Variants in EIF1 observed in about 807,000 individuals in gnomAD.
EIF1 encodes eukaryotic translation initiation factor 1.
In EIF1, 4 loss-of-function variants were observed where a neutral mutation model predicts 13.7. The ratio of observed to expected loss-of-function variants is 0.29; its 90% CI spans 0.14 to 0.67. The LOEUF (loss-of-function observed/expected upper bound fraction) is 0.67. EIF1 is among the 30% of genes least tolerant of loss of function. The pLI, the probability that EIF1 is intolerant of heterozygous loss-of-function variation, is 0.77. For missense variants in EIF1, 64 were observed against 138.0 expected (o/e 0.46, Z 2.69); for synonymous variants, 67 against 50.7 (o/e 1.32, Z -1.37).
At chr17:41,690,420 A>G (rs775743604) in intron 3 of EIF1, 19 of 563,276 alleles carry the variant, frequency 3.4e-5, no homozygotes, top group Non-Finnish European at 5.3e-5. Flanking sequence ...TTTGAATAGC[A>G]TATAGATGCA....
intron 1 of EIF1, 51 bp from the exon 2 acceptor site, chr17:41,689,727 A>G: frequency 6.6e-7 from 1 of 1,525,370 alleles, no homozygotes; most frequent in South Asian, 1.3e-5. Context: ...AGGGGATGGC[A>G]GTGGCATCCT....
At chr17:41,690,685 C>T in intron 3 of EIF1, 97 bp from the exon 4 acceptor site, 1 of 1,372,100 alleles carries the variant, frequency 7.3e-7, no homozygotes, top group African/African-American at 1.4e-5. Flanking sequence ...GGCTCTTGGG[C>T]AGTGTAGTAG....
intron 1 of EIF1, 22 bp from the exon 2 acceptor site, chr17:41,689,756 C>G: frequency 6.4e-7 from 1 of 1,570,768 alleles, no homozygotes; most frequent in Non-Finnish European, 8.6e-7. Context: ...CAGCTCTGAA[C>G]GAGCTTAACC....
At position 41,688,932 on chromosome 17, in the gene EIF1, A is replaced by AG; in HGVS notation, c.-106dup. On this transcript the variant is annotated 5_prime_UTR_variant, in exon 1 of 4. Transcript: ENST00000469257. Reference sequence around the variant, plus strand: ...CGAGGATTCAGCAGCCTCCCCCTTGAGCCCCCTCGCTTCCCGACGTTCCGT... The same window carrying AG: ...CGAGGATTCAGCAGCCTCCCCCTTGAGGCCCCCTCGCTTCCCGACGTTCCGT... 1 of 1,158,762 alleles carries AG rather than the reference A, an allele frequency of 8.6e-7. No homozygotes were observed. The highest frequency in any genetic ancestry group is 1.3e-6 in the Non-Finnish European group (1 of 793,674). The allele number at this position is 1,158,762 out of a possible 1,614,324, so 71.8% of individuals were successfully genotyped here.
intron 2 of EIF1, 47 bp downstream of exon 2, chr17:41,689,988 C>A: frequency 1.2e-6 from 2 of 1,611,770 alleles, no homozygotes; most frequent in Non-Finnish European, 1.7e-6. Context: ...GATTTGTCCA[C>A]AAGGGGGTGC....
chr17:41,689,157 C>T (rs1910288202), intron 1 of EIF1, 88 bp downstream of exon 1: 4 of 1,463,116 alleles, frequency 2.7e-6, no homozygotes, highest in African/African-American at 1.4e-5. Context: ...CCAAGCGCTC[C>T]GGGCCTTCGT....
In EIF1 at chr17:41,692,598, C is replaced by T. The variant is rs961429528; in HGVS notation, c.*1772C>T. 1 of 152,132 alleles carries T rather than the reference C, an allele frequency of 6.6e-6. No individual in the cohort carries two copies. The highest frequency in any genetic ancestry group is 1.5e-5 in the Non-Finnish European group (1 of 68,036). The allele number at this position is 152,132 out of a possible 1,614,324, so 9.4% of individuals were successfully genotyped here. A position where few individuals can be genotyped will look rare whatever the true frequency, so the allele number is the denominator to read the frequency against. ...ACCTTTTAACATTGTGTTACAATGG[C>T]CTACAAGAAGCTTGTGTGGATGGCT... is the stretch of plus-strand genomic sequence containing the variant. On this transcript the variant is annotated 3_prime_UTR_variant, in exon 4 of 4. Transcript: ENST00000469257.
rs560409448 is a variant in EIF1 at position 41,688,926 on chromosome 17, C to A, written c.-113C>A. On this transcript the variant is annotated 5_prime_UTR_variant, in exon 1 of 4. Coordinates refer to ENST00000469257, the MANE Select transcript of EIF1 (RefSeq NM_005801.4). ...CGCCGCCGAGGATTCAGCAGCCTCC[C>A]CCTTGAGCCCCCTCGCTTCCCGACG... The A allele has an allele frequency of 4.6e-6, 5 of 1,088,042 alleles. No individual in the cohort carries two copies. Among genetic ancestry groups the A allele is most frequent in the African/African-American group, 3.1e-5 (2 of 65,140 alleles). The allele number at this position is 1,088,042 out of a possible 1,614,324, so 67.4% of individuals were successfully genotyped here. A position where few individuals can be genotyped will look rare whatever the true frequency, so the allele number is the denominator to read the frequency against.
chr17:41,689,354 T>G (rs1910297499), intron 1 of EIF1: 5 of 561,130 alleles, frequency 8.9e-6, no homozygotes, highest in Admixed American at 6.7e-5. Context: ...GCCCCTCCCG[T>G]CACCATTGCG....
chr17:41,689,086 G>C lies in EIF1; in HGVS notation c.31+17G>C. On this transcript the variant is annotated intron_variant, in intron 1 of 3. Transcript: ENST00000469257. ...ACTCTTTCGGTAAGCTATGGGAAAG[G>C]TCGCGGGCCCGGGTGGGGCAGCGGG... 1 of 1,613,518 alleles carries C rather than the reference G, an allele frequency of 6.2e-7. No individual in the cohort carries two copies. The highest frequency in any genetic ancestry group is 8.5e-7 in the Non-Finnish European group (1 of 1,179,840).
At position 41,688,910 on chromosome 17, in the gene EIF1, G is replaced by T; in HGVS notation, c.-129G>T. The T allele has an allele frequency of 1.1e-6, 1 of 907,394 alleles. No homozygotes were observed. Among genetic ancestry groups the T allele is most frequent in the Non-Finnish European group, 1.7e-6 (1 of 583,972 alleles). 56.2% of individuals were successfully genotyped at this position (907,394 alleles called of 1,614,324 possible). A position where few individuals can be genotyped will look rare whatever the true frequency, so the allele number is the denominator to read the frequency against. ...GCCCCAGTCACTGAGCCGCCGCCGA[G>T]GATTCAGCAGCCTCCCCCTTGAGCC... On this transcript the variant is annotated 5_prime_UTR_variant, in exon 1 of 4. The change creates a new upstream start codon in the 5' untranslated region. Coordinates refer to ENST00000469257, the MANE Select transcript of EIF1 (RefSeq NM_005801.4).
rs908028106 is a variant in EIF1 at position 41,688,922 on chromosome 17, C to T, written c.-117C>T. 22 of 1,042,444 alleles carry T rather than the reference C, an allele frequency of 2.1e-5. No individual in the cohort carries two copies. Among genetic ancestry groups the T allele is most frequent in the East Asian group, 7.5e-5 (3 of 39,956 alleles). The allele number at this position is 1,042,444 out of a possible 1,614,324, so 64.6% of individuals were successfully genotyped here. On this transcript the variant is annotated 5_prime_UTR_variant, in exon 1 of 4. Transcript: ENST00000469257. The stretch of plus-strand genomic sequence containing the variant: ...GAGCCGCCGCCGAGGATTCAGCAGC[C>T]TCCCCCTTGAGCCCCCTCGCTTCCC...
Position 41,688,963 on chromosome 17 carries a change from C to T in EIF1, c.-76C>T, listed in dbSNP as rs1222270450. On this transcript the variant is annotated 5_prime_UTR_variant, in exon 1 of 4. Coordinates refer to ENST00000469257, the MANE Select transcript of EIF1 (RefSeq NM_005801.4). ...CTCGCTTCCCGACGTTCCGTTCCCCCCTGCCCGCCTTCTCCCGCCACCGCC... is the reference window on the plus strand; with the variant it reads ...CTCGCTTCCCGACGTTCCGTTCCCCTCTGCCCGCCTTCTCCCGCCACCGCC... 1.3e-5 allele frequency: 19 copies of T among 1,515,164 alleles called. No homozygotes were observed. In the Admixed American group the frequency reaches 2.2e-4, roughly 18 times the overall value. 93.9% of individuals were successfully genotyped at this position (1,515,164 alleles called of 1,614,324 possible). A position where few individuals can be genotyped will look rare whatever the true frequency, so the allele number is the denominator to read the frequency against.
chr17:41,692,571 G>A lies in EIF1; in HGVS notation c.*1745G>A, dbSNP rs1910418549. ...AAGATTATAATACTGTATTTTTACT[G>A]TACCTTTTAACATTGTGTTACAATG... On this transcript the variant is annotated 3_prime_UTR_variant, in exon 4 of 4. Coordinates refer to ENST00000469257, the MANE Select transcript of EIF1 (RefSeq NM_005801.4). The A allele has an allele frequency of 6.6e-6, 1 of 152,146 alleles. No individual in the cohort carries two copies. The highest frequency in any genetic ancestry group is 1.9e-4 in the East Asian group (1 of 5,206). The allele number at this position is 152,146 out of a possible 1,614,324, so 9.4% of individuals were successfully genotyped here.
chr17:41,689,063 T>C lies in EIF1; in HGVS notation c.25T>C (p.Ser9Pro). Residue 9 changes from serine to proline, a missense_variant, in exon 1 of 4, where the codon TCT becomes CCT. By Grantham distance (74) the Ser-to-Pro change is moderately conservative. Around this residue, in one of 2 missense-constraint regions of EIF1, gnomAD observed 29 missense variants for 34.7 expected, o/e 0.84. Transcript: ENST00000469257. ...TATGTCCGCTATCCAGAACCTCCAC[T>C]CTTTCGGTAAGCTATGGGAAAGGTC... MSAIQNLH[S>P]FDPFADASKG... The C allele has an allele frequency of 6.2e-7, 1 of 1,613,596 alleles. No individual in the cohort carries two copies. Among genetic ancestry groups the C allele is most frequent in the Non-Finnish European group, 8.5e-7 (1 of 1,179,860 alleles).
chr17:41,690,978 T>A lies in EIF1; in HGVS notation c.*152T>A. On this transcript the variant is annotated 3_prime_UTR_variant, in exon 4 of 4. Coordinates refer to ENST00000469257, the MANE Select transcript of EIF1 (RefSeq NM_005801.4). ...AACTTGGACTAGTGTAACTCCTTCATGCAATAAACTGAAAAGAGCCATGCT... is the reference window on the plus strand; with the variant it reads ...AACTTGGACTAGTGTAACTCCTTCAAGCAATAAACTGAAAAGAGCCATGCT... 1 of 748,112 alleles carries A rather than the reference T, an allele frequency of 1.3e-6. No individual in the cohort carries two copies. The highest frequency in any genetic ancestry group is 2.6e-5 in the East Asian group (1 of 38,686). The allele number at this position is 748,112 out of a possible 1,614,324, so 46.3% of individuals were successfully genotyped here.
In EIF1 at chr17:41,688,958, T is replaced by TC. The variant is rs901890624; in HGVS notation, c.-75dup. 6.9e-5 allele frequency: 102 copies of TC among 1,475,370 alleles called. 1 individual carries two copies. In the Admixed American group the frequency reaches 1.6e-3, roughly 23 times the overall value. 91.4% of individuals were successfully genotyped at this position (1,475,370 alleles called of 1,614,324 possible). A position where few individuals can be genotyped will look rare whatever the true frequency, so the allele number is the denominator to read the frequency against. The stretch of plus-strand genomic sequence containing the variant: ...GCCCCCTCGCTTCCCGACGTTCCGT[T>TC]CCCCCCTGCCCGCCTTCTCCCGCCA... On this transcript the variant is annotated 5_prime_UTR_variant, in exon 1 of 4. Transcript: ENST00000469257.
Position 41,692,646 on chromosome 17 carries a change from TAATA to T in EIF1, c.*1824_*1827del, listed in dbSNP as rs1464464990. 6.6e-6 allele frequency: 1 copy of T among 152,192 alleles called. No individual in the cohort carries two copies. Among genetic ancestry groups the T allele is most frequent in the Non-Finnish European group, 1.5e-5 (1 of 68,038 alleles). 9.4% of individuals were successfully genotyped at this position (152,192 alleles called of 1,614,324 possible). A position where few individuals can be genotyped will look rare whatever the true frequency, so the allele number is the denominator to read the frequency against. ...GCTTTGAATGTGGCCCAACACGAAC[TAATA>T]AATTTTGCTAAAACATGAGTTTTGT... is the stretch of plus-strand genomic sequence containing the variant. On this transcript the variant is annotated 3_prime_UTR_variant, in exon 4 of 4. Transcript: ENST00000469257.
At chr17:41,690,250 T>C (rs978837078) in intron 3 of EIF1, 61 bp downstream of exon 3, 5 of 1,436,188 alleles carry the variant, frequency 3.5e-6, no homozygotes, top group Admixed American at 3.5e-5. Context: ...TCCTGTCTGT[T>C]AGCTTCTGCT....
Sources: gnomAD v4.1 joint callset for allele counts on GRCh38, gnomAD v4.1.1 for gene constraint, gnomAD v4.1.1 regional missense constraint, MANE v1.5 for transcripts, NCBI Gene and HGNC (gene_info 2026-07-23, HGNC 2026-07-21) for gene names.